Variants in DGKH observed in about 807,000 individuals in gnomAD.
DGKH encodes the protein diacylglycerol kinase eta, also known as DAG kinase eta.
DGKH carries 90 observed loss-of-function variants against 159.3 expected under a neutral mutation model. The ratio of observed to expected loss-of-function variants is 0.57; its 90% CI spans 0.48 to 0.67. The LOEUF is 0.67. Ranked by LOEUF, DGKH falls within the 30% of genes least tolerant of loss-of-function variation. The probability of loss-of-function intolerance (pLI) is 0.00; values close to 1 mark genes in which losing one functional copy is unlikely to be tolerated. For synonymous variants in DGKH, 536 were observed against 553.8 expected (o/e 0.97, Z 0.45); for missense variants, 1,181 against 1,506.1 (o/e 0.78, Z 3.57).
At chr13:42,125,298 C>A (rs754772311) in intron 1 of DGKH, among the ~76,000 whole-genome samples, 2 of 152,160 alleles carry the variant, frequency 1.3e-5, no homozygotes, top group Non-Finnish European at 2.9e-5. Context: ...GGCAAACACT[C>A]CCTGGACTTA....
rs1957456231 is a variant in DGKH at position 42,205,902 on chromosome 13, G to T, written c.2494-137G>T. ...TAAAAAAAATAAGATAAATGATTTGGTAACGTGTAGAGAGCAGACATTACG... is the reference window on the plus strand; with the variant it reads ...TAAAAAAAATAAGATAAATGATTTGTTAACGTGTAGAGAGCAGACATTACG... On this transcript the variant is annotated intron_variant, in intron 20 of 29. Coordinates refer to ENST00000337343, the MANE Select transcript of DGKH (RefSeq NM_178009.5). The T allele has an allele frequency of 1.6e-5, 7 of 425,246 alleles. No individual in the cohort carries two copies. The East Asian group carries it at 2.5e-4, about 15-fold the overall frequency. 26.3% of individuals were successfully genotyped at this position (425,246 alleles called of 1,614,324 possible). A position where few individuals can be genotyped will look rare whatever the true frequency, so the allele number is the denominator to read the frequency against.
intron 1 of DGKH, among the ~76,000 whole-genome samples, chr13:42,080,295 G>C (rs1172755997): frequency 1.3e-5 from 2 of 152,164 alleles, no homozygotes; most frequent in Non-Finnish European, 2.9e-5. Flanking sequence ...CACGATTCCA[G>C]ATTCACTCTA....
At chr13:42,256,401 A>T in exon 31 of DGKH, 1 of 1,582,072 alleles carries the variant, frequency 6.3e-7, no homozygotes, top group Non-Finnish European at 8.7e-7. Flanking sequence ...GCGTATGACA[A>T]GGCAGCAAAG....
At chr13:42,141,568 T>G (rs1350530746) in intron 3 of DGKH, among the ~76,000 whole-genome samples, 1 of 152,194 alleles carries the variant, frequency 6.6e-6, no homozygotes, top group East Asian at 1.9e-4. Flanking sequence ...ACCTGTTGTT[T>G]CCTGCCTTTT....
chr13:42,177,490 A>G (rs530801065), intron 12 of DGKH, among the ~76,000 whole-genome samples: 1 of 152,158 alleles, frequency 6.6e-6, no homozygotes, highest in South Asian at 2.1e-4. Flanking sequence ...ACAATTTTGC[A>G]TTTCTTTTGG....
At chr13:42,189,392 T>G in intron 15 of DGKH, 83 bp downstream of exon 15, 1 of 1,538,246 alleles carries the variant, frequency 6.5e-7, no homozygotes, top group Non-Finnish European at 8.7e-7. Flanking sequence ...GTGGTCAGAT[T>G]GGACACACTT....
At chr13:42,218,653 C>T (rs935719000) in intron 26 of DGKH, among the ~76,000 whole-genome samples, 2 of 152,074 alleles carry the variant, frequency 1.3e-5, no homozygotes, top group African/African-American at 4.8e-5. Flanking sequence ...GGATTACAGG[C>T]GCCCAACACC....
At chr13:42,178,028 G>T (rs1285730854) in intron 12 of DGKH, 107 bp from the exon 13 acceptor site, 2 of 605,750 alleles carry the variant, frequency 3.3e-6, no homozygotes, top group African/African-American at 1.9e-5. Context: ...TATAGTGATT[G>T]CCTTGCCTAA....
chr13:42,062,476 GA>G (rs1187483791), intron 1 of DGKH, among the ~76,000 whole-genome samples: 8 of 152,300 alleles, frequency 5.3e-5, no homozygotes, highest in African/African-American at 1.9e-4. Context: ...CGGGTAGCCA[GA>G]GCAGCAAGAC....
At chr13:42,244,473 A>G (rs1239813121), downstream of DGKH, among the ~76,000 whole-genome samples, 3 of 152,248 alleles carry the variant, frequency 2.0e-5, no homozygotes, top group East Asian at 3.8e-4. Context: ...TTTCTTCTGC[A>G]GGAAAGCAGC....
chr13:42,043,194 G>A (rs887506856), intron 1 of DGKH, among the ~76,000 whole-genome samples: 1 of 152,026 alleles, frequency 6.6e-6, no homozygotes, highest in African/African-American at 2.4e-5. Context: ...TATATGTATT[G>A]ATGTGTGTGT....
rs559152847 is a variant in DGKH, at chr13:42,118,997, C to T, written c.193-8466C>T. 5.9e-5 allele frequency among the ~76,000 whole-genome samples: 9 copies of T among 152,292 alleles called. 1 individual carries two copies. The highest frequency in any genetic ancestry group is 2.2e-4 in the African/African-American group (9 of 41,554). On this transcript the variant is annotated intron_variant, in intron 1 of 29. Transcript: ENST00000337343. ...GCCTTAAACAGAACTTTACAAAAAT[C>T]CGAATACACCCACTTCTGCCATTTG...
intron 1 of DGKH, chr13:42,066,197 A>C (rs1593976463): frequency 1.3e-5 from 2 of 151,938 alleles, no homozygotes; most frequent in African/African-American, 4.8e-5. Context: ...CGCCCAGCCG[A>C]AAACAATACA....
chr13:42,221,463 T>C, intron 29 of DGKH, 69 bp downstream of exon 29: 1 of 1,579,168 alleles, frequency 6.3e-7, no homozygotes, highest in Non-Finnish European at 8.6e-7. Context: ...CCTGTGCCTC[T>C]TCTGATACTT....
intron 11 of DGKH, among the ~76,000 whole-genome samples, chr13:42,171,770 A>C (rs2138031379): frequency 6.6e-6 from 1 of 152,154 alleles, no homozygotes; most frequent in Admixed American, 6.5e-5. Flanking sequence ...TGAGATGCTC[A>C]ATATAGTATA....
At chr13:42,059,695 C>T (rs555332286) in intron 1 of DGKH, among the ~76,000 whole-genome samples, 1 of 152,058 alleles carries the variant, frequency 6.6e-6, no homozygotes, top group Non-Finnish European at 1.5e-5. Context: ...GCCTTCTTAT[C>T]TGCCCTTCTT....
intron 1 of DGKH, among the ~76,000 whole-genome samples, chr13:42,121,161 C>G (rs1955063830): frequency 6.6e-6 from 1 of 151,858 alleles, no homozygotes. Flanking sequence ...TAATAATTTT[C>G]CAATTTTCTG....
In DGKH at chr13:42,200,544, G is replaced by A. The variant is rs191855812; in HGVS notation, c.2493+635G>A. On this transcript the variant is annotated intron_variant, in intron 20 of 29. Transcript: ENST00000337343. ...TGATCCAGGACTCACTGTTTATGCC[G>A]ATGGGGCATGTCTTTCCTATCTTGT... is the stretch of plus-strand genomic sequence containing the variant. 2.0e-5 allele frequency among the ~76,000 whole-genome samples: 3 copies of A among 152,232 alleles called. 1 individual carries two copies. The highest frequency in any genetic ancestry group is 6.8e-3 in the Middle Eastern group (2 of 294).
At chr13:42,251,353 G>A (rs1224973795) in intron 29 of DGKH, among the ~76,000 whole-genome samples, 1 of 152,256 alleles carries the variant, frequency 6.6e-6, no homozygotes, top group South Asian at 2.1e-4. Context: ...ACATGTGCCT[G>A]TAGTCCCAGC....
Sources: allele counts gnomAD v4.1 joint callset (sites outside exome capture counted in the v4.1 genomes callset), GRCh38; gene constraint gnomAD v4.1.1; transcripts MANE v1.5; gene names NCBI Gene and HGNC (gene_info 2026-07-23, HGNC 2026-07-21).